Variants in GSDME observed in about 807,000 individuals in gnomAD.
GSDME encodes the protein gasdermin E.
A neutral mutation model predicts 47.5 loss-of-function variants in GSDME; 44 were observed. That is an observed-to-expected ratio of 0.93 (90% confidence interval 0.73 to 1.19). GSDME has a LOEUF of 1.19. Among genes scored for constraint, GSDME ranks in the 50% most tolerant of loss-of-function variants. The pLI, the probability that GSDME is intolerant of heterozygous loss-of-function variation, is 0.00. For missense variants in GSDME, 663 were observed against 604.2 expected, an observed-to-expected ratio of 1.10 and a Z score of -1.02; for synonymous variants, 258 against 252.8, an observed-to-expected ratio of 1.02 and a Z score of -0.20.
At chr7:24,795,373 A>G in the GSDME span, among the ~76,000 whole-genome samples, 5 of 152,216 alleles carry the variant, frequency 3.3e-5, no homozygotes, top group Admixed American at 6.5e-5. Context: ...AGCTGCAGAC[A>G]AAACCCCTCA....
intron 5 of GSDME, 152 bp downstream of exon 5, chr7:24,717,102 C>G: frequency 1.2e-6 from 1 of 843,726 alleles, no homozygotes; most frequent in Non-Finnish European, 1.9e-6. Context: ...TGTCCAGGGA[C>G]CATGTCTTGG....
At chr7:24,708,051 A>G in intron 7 of GSDME, 76 bp downstream of exon 7, 2 of 1,585,510 alleles carry the variant, frequency 1.3e-6, no homozygotes. Context: ...AACCTTTAAC[A>G]CAATTCCATC....
At position 24,756,610 on chromosome 7, in the gene GSDME, T is replaced by C. The variant is rs1476520; in HGVS notation, c.-20+786A>G. ...GACCGCAAGCCATCCATCCCTTTCA[T>C]TATCCCATTCACTATTCTGGACAGA... On this transcript the variant is annotated intron_variant, in intron 1 of 9. Coordinates refer to ENST00000645220, the MANE Select transcript of GSDME (RefSeq NM_001127453.2). The surrounding 1 kb of genome is among the most constrained non-coding windows in gnomAD (Gnocchi z 4.2). 0.61 allele frequency among the ~76,000 whole-genome samples: 92,511 copies of C among 152,036 alleles called. 30,498 individuals are homozygous for C. The highest frequency in any genetic ancestry group is 0.86 in the African/African-American group (35,770 of 41,480).
chr7:24,751,866 G>A (rs761165449), intron 1 of GSDME, among the ~76,000 whole-genome samples: 1 of 152,194 alleles, frequency 6.6e-6, no homozygotes, highest in Non-Finnish European at 1.5e-5. Flanking sequence ...TCCTCAATGA[G>A]CTACTAGTTT....
rs545925391 is a variant in GSDME at position 24,757,213 on chromosome 7, C to T, written c.-20+183G>A. ...AGGCGAGGGGAGCGACGGGACCTGCCGTTCCGGCGGCCGGGCAGCCAATCG... is the reference window on the plus strand; with the variant it reads ...AGGCGAGGGGAGCGACGGGACCTGCTGTTCCGGCGGCCGGGCAGCCAATCG... On this transcript the variant is annotated intron_variant, in intron 1 of 9. Transcript: ENST00000645220. The surrounding 1 kb of genome is among the most constrained non-coding windows in gnomAD (Gnocchi z 5.9). 6.6e-6 allele frequency among the ~76,000 whole-genome samples: 1 copy of T among 151,800 alleles called. No individual in the cohort carries two copies. The highest frequency in any genetic ancestry group is 1.5e-5 in the Non-Finnish European group (1 of 67,854).
rs1332978799 is a variant in GSDME at position 24,721,004 on chromosome 7, G to A, written c.405-1786C>T. ...AGTAACACACTCCAGGGACAAATGA[G>A]CAATATTGTGTGGTTCCTCATATGA... On this transcript the variant is annotated intron_variant, in intron 3 of 9. Transcript: ENST00000645220. This position sits in a 1 kb window ranked among gnomAD's most constrained non-coding sequence, Gnocchi z 4.1. 6.6e-6 allele frequency among the ~76,000 whole-genome samples: 1 copy of A among 151,932 alleles called. No homozygotes were observed. The highest frequency in any genetic ancestry group is 1.5e-5 in the Non-Finnish European group (1 of 68,016).
chr7:24,715,846 C>T (rs943774039), intron 5 of GSDME, among the ~76,000 whole-genome samples: 9 of 152,212 alleles, frequency 5.9e-5, no homozygotes, highest in African/African-American at 1.9e-4. Context: ...CTCTTTCTGT[C>T]ACCTCAGATA....
the GSDME span, among the ~76,000 whole-genome samples, chr7:24,778,316 G>A: frequency 6.6e-6 from 1 of 151,964 alleles, no homozygotes; most frequent in Non-Finnish European, 1.5e-5. This position sits in a 1 kb window ranked among gnomAD's most constrained non-coding sequence, Gnocchi z 5.6. Context: ...CTAGAAGCCT[G>A]GCCAGGGAGC....
At chr7:24,747,626 A>G (rs999383496) in intron 2 of GSDME, among the ~76,000 whole-genome samples, 1 of 152,202 alleles carries the variant, frequency 6.6e-6, no homozygotes. Flanking sequence ...AAACTACAAC[A>G]AAAATGCACA....
At chr7:24,730,882 A>G (rs1230949192) in intron 3 of GSDME, among the ~76,000 whole-genome samples, 18 of 152,046 alleles carry the variant, frequency 1.2e-4, no homozygotes. Context: ...AAAGACTAAA[A>G]CCACTCCCAA....
the GSDME span, among the ~76,000 whole-genome samples, chr7:24,769,231 T>C: frequency 6.6e-6 from 1 of 152,318 alleles, no homozygotes; most frequent in African/African-American, 2.4e-5. Flanking sequence ...CAGGAACCAT[T>C]GCTTGCATGG....
At chr7:24,737,934 C>T (rs1032691127) in intron 3 of GSDME, among the ~76,000 whole-genome samples, 6 of 152,050 alleles carry the variant, frequency 3.9e-5, no homozygotes, top group Non-Finnish European at 7.4e-5. Context: ...TAAAATTCAA[C>T]ATCCCTTCAA....
At chr7:24,794,509 A>T in the GSDME span, among the ~76,000 whole-genome samples, 2 of 152,132 alleles carry the variant, frequency 1.3e-5, no homozygotes, top group Non-Finnish European at 2.9e-5. Context: ...ACCAGCTGCA[A>T]CCACGTATCT....
At chr7:24,794,626 A>T in the GSDME span, among the ~76,000 whole-genome samples, 5 of 151,990 alleles carry the variant, frequency 3.3e-5, no homozygotes, top group Non-Finnish European at 7.4e-5. Flanking sequence ...CCCACCTCTA[A>T]TGCCCGCCAA....
intron 7 of GSDME, among the ~76,000 whole-genome samples, chr7:24,706,888 C>T (rs1439639302): frequency 1.3e-5 from 2 of 152,214 alleles, no homozygotes; most frequent in South Asian, 2.1e-4. Flanking sequence ...TGTCCAGATC[C>T]GATCATCTGA....
At chr7:24,718,942 C>A (rs1789670053) in intron 4 of GSDME, 105 bp downstream of exon 4, 2 of 1,294,530 alleles carry the variant, frequency 1.5e-6, no homozygotes, top group South Asian at 2.4e-5. Flanking sequence ...TGTTAACTTG[C>A]TACGGAAAGA....
At chr7:24,762,209 G>A (rs768715217), upstream of GSDME, among the ~76,000 whole-genome samples, 4 of 145,774 alleles carry the variant, frequency 2.7e-5, no homozygotes, top group East Asian at 2.0e-4. Flanking sequence ...AGCTGTGATC[G>A]TGCCACTGTA....
At chr7:24,795,225 C>G in the GSDME span, among the ~76,000 whole-genome samples, 83 of 152,330 alleles carry the variant, frequency 5.4e-4, no homozygotes, top group Admixed American at 4.5e-3. Flanking sequence ...TGAAAGCACT[C>G]TCAGGATTCA....
rs1051632388 is a variant in GSDME, at chr7:24,728,543, G to GC, written c.405-9326dup. 6.6e-6 allele frequency among the ~76,000 whole-genome samples: 1 copy of GC among 152,170 alleles called. No homozygotes were observed. Among genetic ancestry groups the GC allele is most frequent in the Non-Finnish European group, 1.5e-5 (1 of 68,030 alleles). On this transcript the variant is annotated intron_variant, in intron 3 of 9. Coordinates refer to ENST00000645220, the MANE Select transcript of GSDME (RefSeq NM_001127453.2). The surrounding 1 kb of genome is among the most constrained non-coding windows in gnomAD (Gnocchi z 7.2). ...CAGCACCATCCACCCTCGAAGCTCT[G>GC]CGCCCATCTGCCTCTCCCTCCTGAA...
Sources: allele counts gnomAD v4.1 joint callset (sites outside exome capture counted in the v4.1 genomes callset), GRCh38; gene constraint gnomAD v4.1.1; non-coding constraint Gnocchi (gnomAD v3.1); transcripts MANE v1.5; gene names NCBI Gene and HGNC (gene_info 2026-07-23, HGNC 2026-07-21).